The following NPHP3 variants were observed in gnomAD, a reference collection of about 807,000 sequenced individuals.
NPHP3 encodes nephrocystin 3.
NPHP3 carries 123 observed loss-of-function variants against 171.9 expected under a neutral mutation model. That is an observed-to-expected ratio of 0.72 (90% CI 0.62 to 0.83). The LOEUF (loss-of-function observed/expected upper bound fraction) is 0.83. Ranked by LOEUF, NPHP3 falls within the 40% of genes least tolerant of loss-of-function variation. NPHP3 has a pLI of 0.00. For synonymous variants in NPHP3, 558 were observed against 579.2 expected, an observed-to-expected ratio of 0.96 and a Z score of 0.52; for missense variants, 1,506 against 1,591.9, an observed-to-expected ratio of 0.95 and a Z score of 0.92.
Position 132,719,819 on chromosome 3 carries a change from T to C in NPHP3, c.405A>G (p.Lys135=). The C allele has an allele frequency of 6.3e-7, 1 of 1,591,040 alleles. No homozygotes were observed. The highest frequency in any genetic ancestry group is 1.3e-5 in the African/African-American group (1 of 74,718). The change falls in exon 2 of 27, where the codon AAA becomes AAG. Residue 135 remains lysine (K), a synonymous_variant. Transcript: ENST00000337331. The part of the protein sequence containing the change: ...RLRAELQALQ[K]TYQKILREKE... ...TTTCTCGAAGTATCTTCTGATACGT[T>C]TTTTGAAGTGCCTAGAATAATTTAC...
intron 20 of NPHP3, 64 bp from the exon 21 acceptor site, chr3:132,688,955 A>G: frequency 1.2e-6 from 2 of 1,612,920 alleles, no homozygotes; most frequent in South Asian, 2.2e-5. Flanking sequence ...CTGTCATCTG[A>G]TTAAATATTA....
In NPHP3 at chr3:132,682,740, G is replaced by A. The variant is rs758716466; in HGVS notation, c.3775C>T (p.Arg1259Ter). Reference protein sequence around the residue: ...YEDSLGRMHPRVGETLKNLAV... With the variant: ...YEDSLGRMHP The stretch of plus-strand genomic sequence containing the variant: ...AAATTTTTCAGTGTTTCTCCAACTC[G>A]AGGATGCATCCGACCCAGGCTATCT... The change falls in exon 26 of 27, where the codon CGA becomes TGA. Residue 1259 changes from arginine to a stop codon, truncating the protein, a stop_gained. Transcript: ENST00000337331. LOFTEE classifies it high-confidence loss of function. The A allele has an allele frequency of 1.4e-5, 22 of 1,612,862 alleles. No individual in the cohort carries two copies. The highest frequency in any genetic ancestry group is 1.7e-5 in the Admixed American group (1 of 59,988).
rs145186423 is a variant in NPHP3, at chr3:132,694,799, TC to T, written c.2310+27del. ...ACACACACACAAAGCAAACTAACAT[TC>T]CTTTTTATAAGTTTATTACATTCTA... On this transcript the variant is annotated intron_variant, in intron 16 of 26. Transcript: ENST00000337331. The T allele has an allele frequency of 4.2e-4, 684 of 1,609,696 alleles. 4 individuals are homozygous for T. The East Asian group carries it at 0.014, about 34-fold the overall frequency.
At chr3:132,707,830 G>A (rs571340401) in intron 7 of NPHP3, among the ~76,000 whole-genome samples, 1 of 152,258 alleles carries the variant, frequency 6.6e-6, no homozygotes, top group Admixed American at 6.5e-5. Flanking sequence ...ATCACTGTCA[G>A]ATGATCACGC....
At chr3:132,691,986 C>T (rs1399675431) in intron 17 of NPHP3, among the ~76,000 whole-genome samples, 2 of 152,224 alleles carry the variant, frequency 1.3e-5, no homozygotes, top group South Asian at 2.1e-4. Flanking sequence ...CAACAACAAA[C>T]TGCATACATG....
In NPHP3 at chr3:132,682,106, CAA is replaced by C. The variant is rs1459970502; in HGVS notation, c.3813-18_3813-17del. 2.0e-5 allele frequency: 32 copies of C among 1,608,392 alleles called. No individual in the cohort carries two copies. The highest frequency in any genetic ancestry group is 2.2e-5 in the Non-Finnish European group (26 of 1,174,992). The stretch of plus-strand genomic sequence containing the variant: ...TCCTTCATAGCTTTGAGAGAGAAAA[CAA>C]AAACTCTTAAAATGAGAATATAACC... On this transcript the variant is annotated splice_polypyrimidine_tract_variant and intron_variant, in intron 26 of 26. Coordinates refer to ENST00000337331, the MANE Select transcript of NPHP3 (RefSeq NM_153240.5).
chr3:132,684,365 A>G (rs1056684176), intron 24 of NPHP3, among the ~76,000 whole-genome samples, 189 bp downstream of exon 24: 4 of 152,338 alleles, frequency 2.6e-5, no homozygotes, highest in African/African-American at 9.6e-5. Context: ...TCAAGAATCA[A>G]TGTAACCAGT....
chr3:132,718,099 T>C, intron 3 of NPHP3: 1 of 453,668 alleles, frequency 2.2e-6, no homozygotes, highest in South Asian at 1.6e-5. Context: ...TCCAGGATGT[T>C]GGTCAGATTC....
chr3:132,701,919 A>G (rs745913770), intron 9 of NPHP3, among the ~76,000 whole-genome samples: 89 of 152,216 alleles, frequency 5.8e-4, no homozygotes, highest in Middle Eastern at 3.4e-3. Flanking sequence ...CCAGCTACTC[A>G]GGAGGCTGAG....
chr3:132,704,451 G>A (rs2107986104), intron 8 of NPHP3, 80 bp from the exon 9 acceptor site: 3 of 1,496,428 alleles, frequency 2.0e-6, no homozygotes, highest in South Asian at 1.1e-5. Flanking sequence ...CCCAAAGTGG[G>A]CTTCACCTAC....
intron 1 of NPHP3, among the ~76,000 whole-genome samples, chr3:132,721,138 G>A (rs1390261464): frequency 6.6e-6 from 1 of 151,862 alleles, no homozygotes; most frequent in Non-Finnish European, 1.5e-5. Flanking sequence ...GGCTGATCTC[G>A]AACTCCTGAC....
rs762115717 is a variant in NPHP3, at chr3:132,701,537, GA to G, written c.1525-5del. Reference sequence around the variant, plus strand: ...GATCATTAAGGCGTTGGTAATACTAGAAAAAAAAATGAATTTACATTGTAAG... The same window carrying G: ...GATCATTAAGGCGTTGGTAATACTAGAAAAAAAATGAATTTACATTGTAAG... On this transcript the variant is annotated splice_region_variant and splice_polypyrimidine_tract_variant and intron_variant, in intron 9 of 26. Coordinates refer to ENST00000337331, the MANE Select transcript of NPHP3 (RefSeq NM_153240.5). 726 of 1,577,024 alleles carry G rather than the reference GA, an allele frequency of 4.6e-4. No homozygotes were observed. Among genetic ancestry groups the G allele is most frequent in the Non-Finnish European group, 5.9e-4 (677 of 1,149,938 alleles).
chr3:132,690,516 A>G lies in NPHP3; in HGVS notation c.2693+12T>C, dbSNP rs778236890. 3 of 1,610,658 alleles carry G rather than the reference A, an allele frequency of 1.9e-6. No homozygotes were observed. Among genetic ancestry groups the G allele is most frequent in the Non-Finnish European group, 2.5e-6 (3 of 1,176,934 alleles). On this transcript the variant is annotated intron_variant, in intron 19 of 26. Transcript: ENST00000337331. ...CTCTTTCTGGGGAAAGATGTTCTATAATGTTTCTTACCTTTTATAAAGGTT... is the reference window on the plus strand; with the variant it reads ...CTCTTTCTGGGGAAAGATGTTCTATGATGTTTCTTACCTTTTATAAAGGTT...
intron 3 of NPHP3, among the ~76,000 whole-genome samples, chr3:132,718,495 T>C (rs1195565010): frequency 6.6e-6 from 1 of 152,268 alleles, no homozygotes; most frequent in East Asian, 1.9e-4. Flanking sequence ...TTGCAGAGAC[T>C]AGTAACTCCA....
At position 132,718,256 on chromosome 3, in the gene NPHP3, TTC is replaced by T. The variant is rs200051102; in HGVS notation, c.670+736_670+737del. 6.9e-4 allele frequency: 203 copies of T among 295,734 alleles called. 2 individuals carry two copies. The East Asian group carries it at 0.023, about 34-fold the overall frequency. The allele number at this position is 295,734 out of a possible 1,614,324, so 18.3% of individuals were successfully genotyped here. ...CACTGCATTTTAAAATAGAATATTTTTCTTTTTTCAGTATCAATCACACTTTA... is the reference window on the plus strand; with the variant it reads ...CACTGCATTTTAAAATAGAATATTTTTTTTTTCAGTATCAATCACACTTTA... On this transcript the variant is annotated intron_variant, in intron 3 of 26. Transcript: ENST00000337331.
chr3:132,722,249 G>A lies in NPHP3; in HGVS notation c.107C>T (p.Pro36Leu), dbSNP rs964824130. The A allele has an allele frequency of 1.3e-6, 2 of 1,571,858 alleles. No homozygotes were observed. Among genetic ancestry groups the A allele is most frequent in the Non-Finnish European group, 1.7e-6 (2 of 1,168,464 alleles). Residue 36 changes from proline (P) to leucine (L), a missense_variant, in exon 1 of 27, where the codon CCC (proline) becomes CTC (leucine). Transcript: ENST00000337331. ...CGAGTTGCGCAGCAGGCGGGCCTTG[G>A]GCTTCACCTCCACCGGGATCTCGCA... ...EACEIPVEVK[P>L]KARLLRNSFR...
intron 21 of NPHP3, among the ~76,000 whole-genome samples, chr3:132,687,746 G>T (rs1001721586): frequency 3.9e-5 from 6 of 152,170 alleles, no homozygotes; most frequent in African/African-American, 1.4e-4. Context: ...ACTTATGATA[G>T]AGCAAAAGAA....
chr3:132,717,010 A>G, intron 3 of NPHP3, 101 bp from the exon 4 acceptor site: 1 of 1,197,650 alleles, frequency 8.3e-7, no homozygotes, highest in Non-Finnish European at 1.2e-6. Context: ...AAAAATATGA[A>G]AATATTACAA....
At chr3:132,683,572 T>C in intron 24 of NPHP3, 48 bp from the exon 25 acceptor site, 1 of 1,481,092 alleles carries the variant, frequency 6.8e-7, no homozygotes, top group Non-Finnish European at 9.4e-7. Context: ...CAATAAATAC[T>C]ATCTTATCAG....
Sources: gnomAD v4.1 joint callset for allele counts (sites outside exome capture counted in the v4.1 genomes callset) on GRCh38, gnomAD v4.1.1 for gene constraint, MANE v1.5 for transcripts, NCBI Gene and HGNC (gene_info 2026-07-23, HGNC 2026-07-21) for gene names.